The following UBASH3B variants were observed in gnomAD, a reference collection of about 807,000 sequenced individuals.
UBASH3B encodes the protein ubiquitin-associated and SH3 domain-containing protein B.
UBASH3B carries 37 observed loss-of-function variants against 83.4 expected under a neutral mutation model. The ratio of observed to expected loss-of-function variants is 0.44; its 90% CI spans 0.34 to 0.58. UBASH3B has a LOEUF of 0.58. Among genes scored for constraint, UBASH3B ranks in the 20% least tolerant of loss-of-function variants. The pLI is 0.01. For synonymous variants in UBASH3B, 304 were observed against 318.3 expected (o/e 0.96, Z 0.48); for missense variants, 657 against 827.2 (o/e 0.79, Z 2.52).
intron 1 of UBASH3B, among the ~76,000 whole-genome samples, chr11:122,671,015 G>A (rs1378329283): frequency 1.3e-5 from 2 of 151,982 alleles, no homozygotes; most frequent in Admixed American, 6.6e-5. Context: ...TGCCCACCTC[G>A]GCCTCCCAAA....
intron 1 of UBASH3B, among the ~76,000 whole-genome samples, chr11:122,657,391 C>T (rs1262293651): frequency 2.0e-5 from 3 of 152,044 alleles, no homozygotes; most frequent in Admixed American, 6.6e-5. Context: ...CAGGTTCAAG[C>T]GATTCTCCCA....
intron 1 of UBASH3B, among the ~76,000 whole-genome samples, chr11:122,657,150 T>A (rs1297052683): frequency 6.6e-6 from 1 of 152,222 alleles, no homozygotes; most frequent in Admixed American, 6.5e-5. Flanking sequence ...AGGCCTGGCG[T>A]CCGGACTGGG....
chr11:122,780,916 C>T (rs749770284), intron 4 of UBASH3B, among the ~76,000 whole-genome samples: 1 of 152,206 alleles, frequency 6.6e-6, no homozygotes, highest in Non-Finnish European at 1.5e-5. Flanking sequence ...TGAGCAAGGC[C>T]GCAGTTTGCT....
chr11:122,656,330 G>C, intron 1 of UBASH3B, 120 bp downstream of exon 1: 3 of 1,068,848 alleles, frequency 2.8e-6, no homozygotes, highest in Non-Finnish European at 3.6e-6. Context: ...CGCTGCCCGA[G>C]ACCTGTTGGG....
chr11:122,692,696 C>T (rs144342165), intron 1 of UBASH3B, among the ~76,000 whole-genome samples: 3 of 152,270 alleles, frequency 2.0e-5, no homozygotes, highest in Non-Finnish European at 2.9e-5. Context: ...CTCATACGAT[C>T]GGAGAATATG....
At chr11:122,748,749 C>T (rs1034528747) in intron 1 of UBASH3B, among the ~76,000 whole-genome samples, 4 of 152,174 alleles carry the variant, frequency 2.6e-5, no homozygotes, top group Non-Finnish European at 4.4e-5. Context: ...TGCTGCCCAC[C>T]CAACTCTAAG....
intron 1 of UBASH3B, among the ~76,000 whole-genome samples, chr11:122,729,365 C>T (rs1860799893): frequency 6.6e-6 from 1 of 152,142 alleles, no homozygotes; most frequent in African/African-American, 2.4e-5. Flanking sequence ...GTGCCTGAGC[C>T]ACACACTGGG....
chr11:122,728,388 G>A (rs570163448), intron 1 of UBASH3B, among the ~76,000 whole-genome samples: 14 of 152,326 alleles, frequency 9.2e-5, no homozygotes, highest in African/African-American at 3.4e-4. Flanking sequence ...TGTTCCTGTT[G>A]AAGCAGGTCG....
chr11:122,673,532 G>A (rs1433073074), intron 1 of UBASH3B, among the ~76,000 whole-genome samples: 8 of 152,242 alleles, frequency 5.3e-5, no homozygotes, highest in South Asian at 2.1e-4. Context: ...GGTGGCGGGC[G>A]CCTGTAGTCC....
chr11:122,783,018 C>G (rs199927000), intron 4 of UBASH3B, 35 bp from the exon 5 acceptor site: 28 of 1,597,804 alleles, frequency 1.8e-5, no homozygotes, highest in Non-Finnish European at 9.4e-6. Context: ...TCATCACCAC[C>G]TTTTAATTAC....
intron 1 of UBASH3B, among the ~76,000 whole-genome samples, chr11:122,752,947 T>C (rs1185066528): frequency 6.6e-6 from 1 of 152,160 alleles, no homozygotes; most frequent in African/African-American, 2.4e-5. Context: ...AAGGGGCTGA[T>C]GGACCTCACC....
chr11:122,784,163 A>C (rs1392712926), intron 5 of UBASH3B, among the ~76,000 whole-genome samples: 1 of 151,992 alleles, frequency 6.6e-6, no homozygotes, highest in Non-Finnish European at 1.5e-5. Flanking sequence ...ACTGGTCTTG[A>C]TCTCAGGTGA....
chr11:122,808,007 T>G, intron 12 of UBASH3B, 60 bp from the exon 13 acceptor site: 1 of 1,327,410 alleles, frequency 7.5e-7, no homozygotes, highest in Non-Finnish European at 1.1e-6. Context: ...CTTCCAGTAT[T>G]TGCAAAGTTT....
chr11:122,744,167 G>A (rs970552313), intron 1 of UBASH3B, among the ~76,000 whole-genome samples: 20 of 152,162 alleles, frequency 1.3e-4, no homozygotes, highest in African/African-American at 4.8e-4. Context: ...TTCCTGTTTT[G>A]AAACCACCAA....
intron 1 of UBASH3B, among the ~76,000 whole-genome samples, chr11:122,746,354 G>A (rs1444791214): frequency 6.6e-6 from 1 of 152,196 alleles, no homozygotes; most frequent in Non-Finnish European, 1.5e-5. Flanking sequence ...TAAGATATGA[G>A]TGGGCGGACA....
chr11:122,673,187 A>T (rs1362872152), intron 1 of UBASH3B, among the ~76,000 whole-genome samples: 7 of 152,222 alleles, frequency 4.6e-5, no homozygotes, highest in African/African-American at 1.7e-4. Flanking sequence ...AAGCAAGTCC[A>T]GTGTAACCAA....
intron 1 of UBASH3B, among the ~76,000 whole-genome samples, chr11:122,711,503 G>A (rs1448940000): frequency 1.3e-5 from 2 of 152,238 alleles, no homozygotes; most frequent in African/African-American, 2.4e-5. Context: ...AGGCCTGAAC[G>A]GAGCCGAGGA....
Position 122,744,898 on chromosome 11 carries a change from T to TGTGTGTGTGTGC in UBASH3B, c.162-31320_162-31319insTGTGTGTGTGCG, listed in dbSNP as rs1293701124. Among the ~76,000 whole-genome samples, 738 of 107,902 alleles carry TGTGTGTGTGTGC rather than the reference T, an allele frequency of 6.8e-3. 6 individuals carry two copies. Among genetic ancestry groups the TGTGTGTGTGTGC allele is most frequent in the Non-Finnish European group, 0.012 (526 of 42,770 alleles). The allele number at this position is 107,902 out of a possible 152,430, so 70.8% of individuals were successfully genotyped here. On this transcript the variant is annotated intron_variant, in intron 1 of 13. Coordinates refer to ENST00000284273, the MANE Select transcript of UBASH3B (RefSeq NM_032873.5). The stretch of plus-strand genomic sequence containing the variant: ...CTGTGTGTGTGTGTGTGTGTGTGTG[T>TGTGTGTGTGTGC]GCGCGCGCGCGCGCACTTGGGCACG...
At chr11:122,674,625 C>T (rs1195219829) in intron 1 of UBASH3B, among the ~76,000 whole-genome samples, 1 of 152,046 alleles carries the variant, frequency 6.6e-6, no homozygotes, top group Non-Finnish European at 1.5e-5. Flanking sequence ...TCGTGATCTG[C>T]CCTCCTCGGC....
Sources: gnomAD v4.1 joint callset for allele counts (sites outside exome capture counted in the v4.1 genomes callset) on GRCh38, gnomAD v4.1.1 for gene constraint, MANE v1.5 for transcripts, NCBI Gene and HGNC (gene_info 2026-07-23, HGNC 2026-07-21) for gene names.